The following TNFRSF13B variants were observed in gnomAD, a reference collection of about 807,000 sequenced individuals.
TNFRSF13B encodes the protein TNF receptor superfamily member 13B, also known as tumor necrosis factor receptor superfamily member 13B.
In TNFRSF13B, 34 loss-of-function variants were observed where a neutral mutation model predicts 24.0. That is an observed-to-expected ratio of 1.41 (90% CI 1.08 to 1.88). The LOEUF (loss-of-function observed/expected upper bound fraction) is 1.88. TNFRSF13B is among the 40% of genes most tolerant of loss of function. The pLI is 0.00. For synonymous variants in TNFRSF13B, 173 were observed against 150.3 expected (o/e 1.15, Z -1.10); for missense variants, 415 against 380.8 (o/e 1.09, Z -0.75).
In TNFRSF13B at chr17:16,969,871, C is replaced by A. The variant is rs544244691; in HGVS notation, c.61+2144G>T. 2.6e-5 allele frequency among the ~76,000 whole-genome samples: 4 copies of A among 152,306 alleles called. No homozygotes were observed. In the South Asian group the frequency reaches 8.3e-4, roughly 32 times the overall value. ...AACAAAATTAAAGGCAGACCCGATT[C>A]TCCCCACTTTTGGGTTGGGGAGCAA... On this transcript the variant is annotated intron_variant, in intron 1 of 4. Coordinates refer to ENST00000261652, the MANE Select transcript of TNFRSF13B (RefSeq NM_012452.3).
At chr17:16,940,259 G>C (rs748055408) in intron 4 of TNFRSF13B, 67 bp downstream of exon 4, 325 of 1,611,392 alleles carry the variant, frequency 2.0e-4, no homozygotes, top group Non-Finnish European at 1.4e-4. Flanking sequence ...TGACAGGACC[G>C]AGGGATGGCC....
At chr17:16,955,390 C>A (rs1160598798) in intron 1 of TNFRSF13B, among the ~76,000 whole-genome samples, 1 of 152,196 alleles carries the variant, frequency 6.6e-6, no homozygotes, top group Non-Finnish European at 1.5e-5. Context: ...AACAAAACAG[C>A]AGACTATTGT....
At chr17:16,952,142 G>A (rs184130481) in intron 2 of TNFRSF13B, among the ~76,000 whole-genome samples, 6 of 152,326 alleles carry the variant, frequency 3.9e-5, no homozygotes, top group Admixed American at 6.5e-5. Flanking sequence ...GACCCCTGAC[G>A]TTTGGGCTGA....
chr17:16,964,633 G>A (rs905738945), intron 1 of TNFRSF13B, among the ~76,000 whole-genome samples: 35 of 152,146 alleles, frequency 2.3e-4, no homozygotes, highest in African/African-American at 7.5e-4. Context: ...GAGCCACCAC[G>A]CCCGGCCTCC....
intron 2 of TNFRSF13B, among the ~76,000 whole-genome samples, chr17:16,952,122 G>T (rs978561621): frequency 1.3e-5 from 2 of 152,156 alleles, no homozygotes; most frequent in Non-Finnish European, 2.9e-5. Context: ...TCTACTGGGT[G>T]GTCAGAGGAG....
chr17:16,950,292 C>T (rs2087579936), intron 2 of TNFRSF13B, among the ~76,000 whole-genome samples: 1 of 152,154 alleles, frequency 6.6e-6, no homozygotes, highest in South Asian at 2.1e-4. Context: ...TTCCTCATTT[C>T]CAACATAGGG....
At chr17:16,942,645 G>A (rs1228751260) in intron 3 of TNFRSF13B, among the ~76,000 whole-genome samples, 1 of 152,216 alleles carries the variant, frequency 6.6e-6, no homozygotes, top group African/African-American at 2.4e-5. Flanking sequence ...GCATGAGCAG[G>A]GGAGACGCTA....
intron 1 of TNFRSF13B, among the ~76,000 whole-genome samples, chr17:16,955,862 G>A (rs1206178159): frequency 6.6e-6 from 1 of 152,248 alleles, no homozygotes. Context: ...CCTATCACAT[G>A]GTAGTGGCTA....
Position 16,948,932 on chromosome 17 carries a change from C to G in TNFRSF13B, c.251G>C (p.Arg84Thr), listed in dbSNP as rs747863360. 8.7e-6 allele frequency: 14 copies of G among 1,614,242 alleles called. No individual in the cohort carries two copies. The East Asian group carries it at 2.9e-4, about 33-fold the overall frequency. Residue 84 changes from arginine (R) to threonine (T), a missense_variant, in exon 3 of 5, where the codon AGG (arginine) becomes ACG (threonine). Transcript: ENST00000261652. ...EQGKFYDHLL[R>T]DCISCASICG... ...GATGGAGGCACAGCTGATGCAGTCC[C>G]TCAGGAGATGGTCATAGAACTTGCC... is the stretch of plus-strand genomic sequence containing the variant.
intron 1 of TNFRSF13B, among the ~76,000 whole-genome samples, chr17:16,963,138 G>A (rs1267694745): frequency 6.6e-6 from 1 of 152,232 alleles, no homozygotes; most frequent in Admixed American, 6.5e-5. Context: ...TGTAAGATGA[G>A]GATGCTGTTG....
At position 16,967,708 on chromosome 17, in the gene TNFRSF13B, C is replaced by T. The variant is rs111689697; in HGVS notation, c.61+4307G>A. Among the ~76,000 whole-genome samples the T allele has an allele frequency of 1.5e-4, 20 of 131,754 alleles. No individual in the cohort carries two copies. In the East Asian group the frequency reaches 3.0e-3, roughly 19 times the overall value. 86.4% of individuals were successfully genotyped at this position (131,754 alleles called of 152,430 possible). A position where few individuals can be genotyped will look rare whatever the true frequency, so the allele number is the denominator to read the frequency against. ...CGGGGCTTGCAGTGAGTGGGGATCA[C>T]GCCACTGCACTCCAGCCTGGGCGAC... On this transcript the variant is annotated intron_variant, in intron 1 of 4. Coordinates refer to ENST00000261652, the MANE Select transcript of TNFRSF13B (RefSeq NM_012452.3).
chr17:16,970,522 T>C (rs925605432), intron 1 of TNFRSF13B, among the ~76,000 whole-genome samples: 1 of 152,246 alleles, frequency 6.6e-6, no homozygotes, highest in African/African-American at 2.4e-5. Context: ...GCAGGGCTTC[T>C]CAGAGCCTTT....
At chr17:16,940,981 C>T (rs2087506160) in intron 3 of TNFRSF13B, 2 of 1,032,722 alleles carry the variant, frequency 1.9e-6, no homozygotes, top group Non-Finnish European at 2.4e-6. Context: ...CCGCGGATGT[C>T]CAAGTGCCTG....
intron 1 of TNFRSF13B, among the ~76,000 whole-genome samples, chr17:16,969,628 T>C (rs1467173748): frequency 6.6e-6 from 1 of 152,164 alleles, no homozygotes; most frequent in African/African-American, 2.4e-5. Context: ...TCTGTAAATA[T>C]ACTAAAAACA....
intron 3 of TNFRSF13B, among the ~76,000 whole-genome samples, chr17:16,946,960 C>G (rs1463449303): frequency 6.6e-6 from 1 of 152,166 alleles, no homozygotes; most frequent in Non-Finnish European, 1.5e-5. Context: ...TGATACCTTT[C>G]CCTTCTCTTT....
At chr17:16,944,198 C>T (rs936697153) in intron 3 of TNFRSF13B, among the ~76,000 whole-genome samples, 1 of 152,192 alleles carries the variant, frequency 6.6e-6, no homozygotes, top group African/African-American at 2.4e-5. Context: ...ATCCCAGCCT[C>T]CAGCACAGAG....
intron 1 of TNFRSF13B, among the ~76,000 whole-genome samples, chr17:16,970,888 A>G (rs1001572422): frequency 9.9e-5 from 15 of 152,170 alleles, no homozygotes; most frequent in Non-Finnish European, 2.1e-4. Context: ...GGCTGGACAC[A>G]AAAAAGGACT....
intron 1 of TNFRSF13B, among the ~76,000 whole-genome samples, chr17:16,959,072 A>C (rs1233437936): frequency 6.6e-6 from 1 of 152,060 alleles, no homozygotes; most frequent in Non-Finnish European, 1.5e-5. Context: ...GCCACAAAAC[A>C]AGGCTAAACT....
Position 16,939,976 on chromosome 17 carries a change from G to A in TNFRSF13B, c.632-179C>T, listed in dbSNP as rs1597656601. ...CTGACCAGAACCTGTGCCGGGGCAG[G>A]GGTGGGCAGGCAATTCTTGGCTCTC... On this transcript the variant is annotated intron_variant, in intron 4 of 4. Coordinates refer to ENST00000261652, the MANE Select transcript of TNFRSF13B (RefSeq NM_012452.3). 4.8e-6 allele frequency: 5 copies of A among 1,043,586 alleles called. No homozygotes were observed. In the South Asian group the frequency reaches 6.9e-5, roughly 14 times the overall value. The allele number at this position is 1,043,586 out of a possible 1,614,324, so 64.6% of individuals were successfully genotyped here.
Sources: allele counts gnomAD v4.1 joint callset (sites outside exome capture counted in the v4.1 genomes callset), GRCh38; gene constraint gnomAD v4.1.1; transcripts MANE v1.5; gene names NCBI Gene and HGNC (gene_info 2026-07-23, HGNC 2026-07-21).